Variants in LTBP1 observed in about 807,000 individuals in gnomAD.
The protein encoded by LTBP1 is latent transforming growth factor beta binding protein 1, also known as latent-transforming growth factor beta-binding protein 1.
LTBP1 carries 129 observed loss-of-function variants against 207.6 expected under a neutral mutation model. The observed-to-expected ratio is 0.62, with a 90% CI of 0.54 to 0.72. The LOEUF is 0.72. Among genes scored for constraint, LTBP1 ranks in the 30% least tolerant of loss-of-function variants. LTBP1 has a pLI of 0.00. For synonymous variants in LTBP1, 963 were observed against 833.7 expected (o/e 1.16, Z -2.67); for missense variants, 2,281 against 2,217.2 (o/e 1.03, Z -0.58).
intron 2 of LTBP1, among the ~76,000 whole-genome samples, chr2:33,006,845 C>G (rs573779325): frequency 1.3e-5 from 2 of 152,194 alleles, no homozygotes; most frequent in South Asian, 4.1e-4. Context: ...AGTAAGAGAG[C>G]TAGTAGCCAG....
intron 3 of LTBP1, among the ~76,000 whole-genome samples, chr2:33,031,526 T>C (rs982211026): frequency 5.3e-5 from 8 of 152,172 alleles, no homozygotes; most frequent in Admixed American, 2.0e-4. Flanking sequence ...TAATACCTAA[T>C]AAGCTGCTAA....
chr2:33,035,521 A>G (rs1209883377), intron 3 of LTBP1, among the ~76,000 whole-genome samples: 1 of 152,224 alleles, frequency 6.6e-6, no homozygotes, highest in Non-Finnish European at 1.5e-5. Context: ...AAATTATTTT[A>G]TAGTCTACTG....
chr2:33,290,919 T>A (rs1384479665), intron 19 of LTBP1, among the ~76,000 whole-genome samples: 2 of 152,226 alleles, frequency 1.3e-5, no homozygotes, highest in Non-Finnish European at 2.9e-5. Context: ...TAATGCTGAA[T>A]TAATTTTACA....
chr2:33,183,672 C>T (rs1204760727), intron 5 of LTBP1, among the ~76,000 whole-genome samples: 1 of 152,148 alleles, frequency 6.6e-6, no homozygotes, highest in Non-Finnish European at 1.5e-5. Flanking sequence ...CTTTGTAGTA[C>T]ATTTAAAGCT....
chr2:33,194,328 G>A (rs1482055806), intron 7 of LTBP1, among the ~76,000 whole-genome samples: 2 of 152,078 alleles, frequency 1.3e-5, no homozygotes, highest in African/African-American at 4.8e-5. Context: ...ATTAACCTTA[G>A]TGAGGAGGGC....
chr2:33,208,704 G>T (rs959049483), intron 7 of LTBP1, among the ~76,000 whole-genome samples: 11 of 152,070 alleles, frequency 7.2e-5, no homozygotes, highest in Admixed American at 5.9e-4. Flanking sequence ...TAAAATCATA[G>T]AACTTGGGCA....
chr2:33,263,213 A>G lies in LTBP1; in HGVS notation c.2519-81A>G, dbSNP rs2093069162. The G allele has an allele frequency of 6.0e-6, 5 of 836,818 alleles. No homozygotes were observed. The South Asian group carries it at 7.1e-5, about 12-fold the overall frequency. 51.8% of individuals were successfully genotyped at this position (836,818 alleles called of 1,614,324 possible). A position where few individuals can be genotyped will look rare whatever the true frequency, so the allele number is the denominator to read the frequency against. Reference sequence around the variant, plus strand: ...ATGCTGTGATATATTGCTAGACTAAATTATGCTTGCATTTTGAAATGGGAT... The same window carrying G: ...ATGCTGTGATATATTGCTAGACTAAGTTATGCTTGCATTTTGAAATGGGAT... On this transcript the variant is annotated intron_variant, in intron 14 of 33. Transcript: ENST00000404816.
intron 15 of LTBP1, among the ~76,000 whole-genome samples, chr2:33,270,514 C>T (rs996058048): frequency 7.1e-6 from 1 of 141,252 alleles, no homozygotes; most frequent in Admixed American, 7.7e-5. Context: ...GGCGTGAACC[C>T]GGGAGGCAGA....
chr2:33,368,893 T>C (rs1417106623), intron 31 of LTBP1, among the ~76,000 whole-genome samples: 5 of 152,088 alleles, frequency 3.3e-5, no homozygotes, highest in Non-Finnish European at 2.9e-5. Context: ...ATAAATAAAA[T>C]TATACCCCCA....
At chr2:33,282,165 C>T (rs975711151) in intron 19 of LTBP1, among the ~76,000 whole-genome samples, 5 of 151,548 alleles carry the variant, frequency 3.3e-5, no homozygotes, top group South Asian at 2.1e-4. Context: ...GAATCATAAG[C>T]AGAAATATTA....
intron 13 of LTBP1, among the ~76,000 whole-genome samples, 175 bp from the exon 14 acceptor site, chr2:33,262,547 T>C (rs745408781): frequency 1.6e-3 from 247 of 151,684 alleles, no homozygotes; most frequent in Admixed American, 5.5e-3. Context: ...GTTCTTTTTT[T>C]TTTTTTTTTT....
intron 7 of LTBP1, among the ~76,000 whole-genome samples, chr2:33,202,881 A>G (rs915156495): frequency 1.3e-5 from 2 of 152,202 alleles, no homozygotes; most frequent in Non-Finnish European, 2.9e-5. Context: ...GCTACTAGAC[A>G]TCTGTCTTCT....
intron 4 of LTBP1, among the ~76,000 whole-genome samples, chr2:33,123,203 T>C (rs183300745): frequency 3.9e-5 from 6 of 152,356 alleles, no homozygotes; most frequent in Non-Finnish European, 7.3e-5. Flanking sequence ...TGCGGGTTAC[T>C]AGGACCTGAT....
intron 3 of LTBP1, among the ~76,000 whole-genome samples, chr2:33,046,594 C>A (rs1558558785): frequency 6.6e-6 from 1 of 152,062 alleles, no homozygotes; most frequent in Non-Finnish European, 1.5e-5. Context: ...GTGTCTCTGG[C>A]AGGTTTTGGT....
chr2:33,143,144 G>T (rs138104232), intron 5 of LTBP1, among the ~76,000 whole-genome samples: 2 of 152,194 alleles, frequency 1.3e-5, no homozygotes, highest in East Asian at 3.9e-4. Context: ...TGCTCTCTCT[G>T]CCTGGAGGGT....
At chr2:33,258,164 C>T (rs535326725) in intron 12 of LTBP1, among the ~76,000 whole-genome samples, 1 of 152,348 alleles carries the variant, frequency 6.6e-6, no homozygotes, top group African/African-American at 2.4e-5. Flanking sequence ...GACTTTGACT[C>T]TCTCTCTGGC....
chr2:33,292,921 A>G (rs756239215), intron 19 of LTBP1, among the ~76,000 whole-genome samples: 1 of 152,162 alleles, frequency 6.6e-6, no homozygotes, highest in Non-Finnish European at 1.5e-5. Context: ...TCTTGAATTT[A>G]TTCACAGAGC....
rs2093398649 is a variant in LTBP1, at chr2:33,275,087, A to G, written c.2866A>G (p.Ile956Val). ...GGCCAGTGAGGAGGGTACTAACTGC[A>G]TAGGTAATGGCAGCATTCTTCCTGC... ...FMASEEGTNCIDVDECLRPDV... is the reference protein window; with the variant it reads ...FMASEEGTNCVDVDECLRPDV... Residue 956 changes from isoleucine (I) to valine (V), a missense_variant, in exon 17 of 34, where the codon ATA becomes GTA. Coordinates refer to ENST00000404816, the MANE Select transcript of LTBP1 (RefSeq NM_206943.4). The G allele has an allele frequency of 1.9e-6, 3 of 1,613,846 alleles. No individual in the cohort carries two copies. The highest frequency in any genetic ancestry group is 2.5e-6 in the Non-Finnish European group (3 of 1,179,832).
intron 2 of LTBP1, among the ~76,000 whole-genome samples, chr2:32,995,504 G>A (rs540878397): frequency 1.1e-4 from 17 of 152,284 alleles, no homozygotes; most frequent in South Asian, 6.2e-4. Flanking sequence ...TGATTTGGCC[G>A]GGCGCGGTGG....
Sources: allele counts gnomAD v4.1 joint callset (sites outside exome capture counted in the v4.1 genomes callset), GRCh38; gene constraint gnomAD v4.1.1; transcripts MANE v1.5; gene names NCBI Gene and HGNC (gene_info 2026-07-23, HGNC 2026-07-21).